Variants in MACROH2A1 observed in about 807,000 individuals in gnomAD.
MACROH2A1 encodes the protein macroH2A.1 histone.
A neutral mutation model predicts 31.6 loss-of-function variants in MACROH2A1; 2 were observed. That is an observed-to-expected ratio of 0.06 (90% confidence interval 0.03 to 0.20). The LOEUF (loss-of-function observed/expected upper bound fraction) is 0.20, where lower values mean the gene tolerates loss of function less well. Ranked by LOEUF, MACROH2A1 falls within the 10% of genes least tolerant of loss-of-function variation. The pLI is 1.00. For synonymous variants in MACROH2A1, 169 were observed against 189.6 expected (o/e 0.89, Z 0.89); for missense variants, 230 against 474.0 (o/e 0.49, Z 4.78).
At chr5:135,335,582 G>A (rs1758515417) in intron 8 of MACROH2A1, among the ~76,000 whole-genome samples, 1 of 152,136 alleles carries the variant, frequency 6.6e-6, no homozygotes, top group African/African-American at 2.4e-5. Flanking sequence ...CACCCACACA[G>A]AAGAGTTACC....
At chr5:135,399,769 C>CGAGG (rs1768584296), upstream of MACROH2A1, 1 of 152,252 alleles carries the variant, frequency 6.6e-6, no homozygotes, top group Non-Finnish European at 1.5e-5. The surrounding 1 kb of genome is among the most constrained non-coding windows in gnomAD (Gnocchi z 4.5). Context: ...TGGGGTCCTT[C>CGAGG]AGTTAATCCT....
chr5:135,392,585 A>T (rs889651388), intron 1 of MACROH2A1, among the ~76,000 whole-genome samples: 1 of 152,162 alleles, frequency 6.6e-6, no homozygotes, highest in African/African-American at 2.4e-5. Context: ...CCCTTTTGAA[A>T]ACCAACTCAT....
chr5:135,391,481 G>A lies in MACROH2A1; in HGVS notation c.-33-2355C>T, dbSNP rs61605726. ...CAGAGACCTGGCAGGTCCTAGACAC[G>A]CTGACTCCTTAAAAGTGGTGCTCCT... On this transcript the variant is annotated intron_variant, in intron 1 of 8. Transcript: ENST00000511689. Among the ~76,000 whole-genome samples the A allele has an allele frequency of 8.2e-3, 1,256 of 152,290 alleles. 18 individuals carry two copies. The highest frequency in any genetic ancestry group is 0.028 in the African/African-American group (1,166 of 41,544).
chr5:135,355,747 G>C lies in MACROH2A1; in HGVS notation c.589-2702C>G, dbSNP rs17168193. On this transcript the variant is annotated intron_variant, in intron 5 of 8. Transcript: ENST00000511689. Reference sequence around the variant, plus strand: ...CCACTATACAGAAGAAAGCCCATGAGCATAGCGTGCAAATGGACCAGGTAC... The same window carrying C: ...CCACTATACAGAAGAAAGCCCATGACCATAGCGTGCAAATGGACCAGGTAC... The C allele has an allele frequency of 2.8e-3, 461 of 166,378 alleles. 3 individuals are homozygous for C. The highest frequency in any genetic ancestry group is 0.01 in the African/African-American group (435 of 41,762). The allele number at this position is 166,378 out of a possible 1,614,324, so 10.3% of individuals were successfully genotyped here.
chr5:135,384,662 C>T (rs1475103862), intron 2 of MACROH2A1, among the ~76,000 whole-genome samples: 2 of 152,202 alleles, frequency 1.3e-5, no homozygotes, highest in East Asian at 1.9e-4. Context: ...AACAAGATTA[C>T]TGGAGACTCC....
chr5:135,352,994 C>T lies in MACROH2A1; in HGVS notation c.640G>A (p.Ala214Thr). 2 of 1,609,528 alleles carry T rather than the reference C, an allele frequency of 1.2e-6. No homozygotes were observed. Among genetic ancestry groups the T allele is most frequent in the Admixed American group, 1.7e-5 (1 of 60,004 alleles). ...TCAGCATTGGTAGGATTGATTATGGCCTCCACCTCAAAGCCGGCTAAATTA... is the reference window on the plus strand; with the variant it reads ...TCAGCATTGGTAGGATTGATTATGGTCTCCACCTCAAAGCCGGCTAAATTA... ...ISNLAGFEVE[A>T]IINPTNADID... Residue 214 changes from alanine to threonine, a missense_variant, in exon 6 of 9, where the codon GCC (alanine) becomes ACC (threonine). Transcript: ENST00000511689.
intron 8 of MACROH2A1, among the ~76,000 whole-genome samples, chr5:135,341,096 G>C (rs1378597304): frequency 3.3e-5 from 5 of 152,192 alleles, no homozygotes; most frequent in Non-Finnish European, 7.3e-5. Context: ...CTCCAATAAA[G>C]TTTCCTATTG....
chr5:135,393,177 TA>T (rs1767489618), intron 1 of MACROH2A1, among the ~76,000 whole-genome samples: 1 of 152,088 alleles, frequency 6.6e-6, no homozygotes. Context: ...CCCATCTTGT[TA>T]CTCTCACATC....
intron 2 of MACROH2A1, 55 bp downstream of exon 2, chr5:135,388,867 T>A: frequency 2.1e-6 from 3 of 1,410,530 alleles, no homozygotes; most frequent in Non-Finnish European, 2.9e-6. Context: ...TGGAGAACTA[T>A]GAGAACTTCT....
chr5:135,345,530 T>C (rs1760697885), intron 7 of MACROH2A1: 1 of 160,512 alleles, frequency 6.2e-6, no homozygotes, highest in South Asian at 1.8e-4. Context: ...GCCAAGTCGT[T>C]TTCTTCCCCT....
chr5:135,367,672 G>A (rs1763680071), intron 4 of MACROH2A1, among the ~76,000 whole-genome samples: 1 of 152,190 alleles, frequency 6.6e-6, no homozygotes, highest in Non-Finnish European at 1.5e-5. Context: ...ATGAAGGAGG[G>A]TGATGGCTCA....
intron 5 of MACROH2A1, chr5:135,354,700 T>C (rs1276658926): frequency 4.2e-6 from 1 of 239,766 alleles, no homozygotes; most frequent in Non-Finnish European, 8.2e-6. Flanking sequence ...GGAGTAGGGG[T>C]GTGGGTGGGC....
chr5:135,394,720 T>TC (rs1767726506), intron 1 of MACROH2A1, among the ~76,000 whole-genome samples: 1 of 152,192 alleles, frequency 6.6e-6, no homozygotes, highest in South Asian at 2.1e-4. Flanking sequence ...TTCTTAGCAC[T>TC]CAGTGCATGG....
At chr5:135,343,199 G>A in intron 8 of MACROH2A1, 61 bp downstream of exon 8, 1 of 1,607,164 alleles carries the variant, frequency 6.2e-7, no homozygotes, top group Non-Finnish European at 8.5e-7. Context: ...CCACAATTAT[G>A]GGCCATGTGT....
chr5:135,374,564 A>G (rs981405658), intron 2 of MACROH2A1, among the ~76,000 whole-genome samples: 27 of 152,254 alleles, frequency 1.8e-4, no homozygotes, highest in Non-Finnish European at 3.2e-4. Context: ...AACAGAGCCA[A>G]CTTAAGCCTC....
intron 2 of MACROH2A1, among the ~76,000 whole-genome samples, chr5:135,374,478 A>ATGCC (rs1263420771): frequency 1.3e-5 from 2 of 152,194 alleles, no homozygotes; most frequent in Admixed American, 1.3e-4. Flanking sequence ...CTGTACAGCA[A>ATGCC]TGCCTGCCTG....
chr5:135,373,301 C>G (rs1764423484), intron 2 of MACROH2A1, among the ~76,000 whole-genome samples: 1 of 151,420 alleles, frequency 6.6e-6, no homozygotes, highest in African/African-American at 2.4e-5. Flanking sequence ...ATAAAAAGAC[C>G]TGAAGAGTGT....
intron 6 of MACROH2A1, chr5:135,350,769 A>C (rs951291156): frequency 9.6e-7 from 1 of 1,037,480 alleles, no homozygotes; most frequent in Non-Finnish European, 1.5e-6. Flanking sequence ...AGCTGTCTGC[A>C]GCGGCCGACT....
intron 1 of MACROH2A1, among the ~76,000 whole-genome samples, chr5:135,396,038 T>C (rs546676558): frequency 6.6e-6 from 1 of 152,328 alleles, no homozygotes; most frequent in Admixed American, 6.5e-5. Context: ...GAAGCTAGTC[T>C]GGGATTGAAA....
Sources: allele counts gnomAD v4.1 joint callset (sites outside exome capture counted in the v4.1 genomes callset), GRCh38; gene constraint gnomAD v4.1.1; non-coding constraint Gnocchi (gnomAD v3.1); transcripts MANE v1.5; gene names NCBI Gene and HGNC (gene_info 2026-07-23, HGNC 2026-07-21).